STYXL1: variants seen among roughly 807,000 people sequenced by gnomAD.
The protein encoded by STYXL1 is serine/threonine/tyrosine-interacting-like protein 1.
A neutral mutation model predicts 36.4 loss-of-function variants in STYXL1; 32 were observed. That is an observed-to-expected ratio of 0.88 (90% CI 0.66 to 1.18). STYXL1 has a LOEUF of 1.18. Among genes scored for constraint, STYXL1 ranks in the 50% most tolerant of loss-of-function variants. The pLI is 0.00. For synonymous variants in STYXL1, 133 were observed against 144.1 expected (o/e 0.92, Z 0.55); for missense variants, 354 against 394.1 (o/e 0.90, Z 0.86).
chr7:76,013,827 G>A lies in STYXL1; in HGVS notation c.368C>T (p.Pro123Leu), dbSNP rs370786510. ...ATAGCCCCCTTTCAGGATGTAGACG[G>A]GGTGGTGGGTGAGGCGGGTCAGGAT... ...GRILTRLTHHPVYILKGGYER... is the reference protein window; with the variant it reads ...GRILTRLTHHLVYILKGGYER... The change falls in exon 5 of 9, where the codon CCC (proline) becomes CTC (leucine). Residue 123 changes from proline to leucine, a missense_variant. Transcript: ENST00000359697. 1 of 1,613,924 alleles carries A rather than the reference G, an allele frequency of 6.2e-7. No individual in the cohort carries two copies. The highest frequency in any genetic ancestry group is 1.3e-5 in the African/African-American group (1 of 74,892).
At chr7:76,026,173 C>G (rs775051333) in intron 3 of STYXL1, among the ~76,000 whole-genome samples, 6 of 84,588 alleles carry the variant, frequency 7.1e-5, no homozygotes, top group Non-Finnish European at 1.1e-4. Context: ...GCCTGGAGGA[C>G]AGAGCAAGAC....
rs1797348994 is a variant in STYXL1 at position 76,047,912 on chromosome 7, C to T, written c.-255G>A. 7.0e-7 allele frequency: 1 copy of T among 1,421,086 alleles called. No homozygotes were observed. Among genetic ancestry groups the T allele is most frequent in the South Asian group, 1.5e-5 (1 of 68,386 alleles). The allele number at this position is 1,421,086 out of a possible 1,614,324, so 88.0% of individuals were successfully genotyped here. A position where few individuals can be genotyped will look rare whatever the true frequency, so the allele number is the denominator to read the frequency against. ...TCCCACTCCGACCGCAGGTCCCCCA[C>T]CGGCCACACAGACGGCTACGCTAGA... is the stretch of plus-strand genomic sequence containing the variant. On this transcript the variant is annotated 5_prime_UTR_variant, in exon 1 of 9. The change creates a new upstream start codon in the 5' untranslated region. Transcript: ENST00000359697.
Position 76,001,118 on chromosome 7 carries a change from C to T in STYXL1, c.698-116G>A, listed in dbSNP as rs147930441. On this transcript the variant is annotated intron_variant, in intron 7 of 8. Transcript: ENST00000359697. The stretch of plus-strand genomic sequence containing the variant: ...GTCCAAGCATGAGTTCAAAACCAGC[C>T]CACGTGACCTCGGCAAGTCCCATGA... The T allele has an allele frequency of 1.0e-3, 768 of 751,154 alleles. 3 individuals are homozygous for T. The African/African-American group carries it at 0.011, about 11-fold the overall frequency. 46.5% of individuals were successfully genotyped at this position (751,154 alleles called of 1,614,324 possible).
At chr7:76,003,635 G>A in intron 7 of STYXL1, 123 bp downstream of exon 7, 1 of 842,258 alleles carries the variant, frequency 1.2e-6, no homozygotes, top group South Asian at 1.7e-5. Flanking sequence ...ATGCCGAGCT[G>A]GGCCCTTTCT....
Position 76,037,922 on chromosome 7 carries a change from T to G in STYXL1, c.-4-7395A>C, listed in dbSNP as rs1310935207. Among the ~76,000 whole-genome samples, 3 of 150,096 alleles carry G rather than the reference T, an allele frequency of 2.0e-5. 1 individual carries two copies. Among genetic ancestry groups the G allele is most frequent in the Non-Finnish European group, 3.0e-5 (2 of 67,096 alleles). On this transcript the variant is annotated intron_variant, in intron 1 of 8. Transcript: ENST00000359697. The stretch of plus-strand genomic sequence containing the variant: ...TGCCAGCATGACCAAGGCTTAAACA[T>G]AGTGACAGGCATCAATGCCCTCACC...
rs375406821 is a variant in STYXL1, at chr7:76,042,833, C to T, written c.-5+4829G>A. ...CTATTAGCATCTTTCTGATTCCAAA[C>T]ATTCACAAGTCTCTGCTTTCTTGGA... On this transcript the variant is annotated intron_variant, in intron 1 of 8. Coordinates refer to ENST00000359697, the MANE Select transcript of STYXL1 (RefSeq NM_001317785.2). Among the ~76,000 whole-genome samples the T allele has an allele frequency of 4.5e-3, 684 of 152,304 alleles. 4 individuals carry two copies. Among genetic ancestry groups the T allele is most frequent in the Middle Eastern group, 0.017 (5 of 294 alleles).
chr7:76,007,515 T>A (rs1554570816), intron 5 of STYXL1, among the ~76,000 whole-genome samples: 4 of 152,074 alleles, frequency 2.6e-5, no homozygotes. Flanking sequence ...AAGGATTTGG[T>A]ATCTATTGGG....
chr7:76,017,096 A>G (rs1793465514), intron 4 of STYXL1, among the ~76,000 whole-genome samples: 1 of 152,032 alleles, frequency 6.6e-6, no homozygotes, highest in African/African-American at 2.4e-5. Flanking sequence ...ATCTCGGCGC[A>G]CTGCAACCTC....
chr7:76,004,094 C>CTTTT (rs201317979), intron 6 of STYXL1, among the ~76,000 whole-genome samples: 29 of 151,488 alleles, frequency 1.9e-4, no homozygotes, highest in African/African-American at 6.3e-4. Context: ...AGACCCTTGT[C>CTTTT]TTTTTTTTTG....
At chr7:76,019,390 G>A (rs1793779277) in intron 4 of STYXL1, among the ~76,000 whole-genome samples, 1 of 151,398 alleles carries the variant, frequency 6.6e-6, no homozygotes, top group African/African-American at 2.4e-5. Context: ...TTGACCACCT[G>A]GGCTCAAGTG....
intron 2 of STYXL1, among the ~76,000 whole-genome samples, 171 bp downstream of exon 2, chr7:76,030,250 T>C (rs1406166334): frequency 6.6e-6 from 1 of 152,170 alleles, no homozygotes; most frequent in Non-Finnish European, 1.5e-5. Context: ...TCGCCCACCT[T>C]GGCCTTCCCA....
chr7:76,005,254 C>T lies in STYXL1; in HGVS notation c.599+5G>A, dbSNP rs1554569737. 10 of 1,410,944 alleles carry T rather than the reference C, an allele frequency of 7.1e-6. No homozygotes were observed. Among genetic ancestry groups the T allele is most frequent in the Non-Finnish European group, 9.4e-6 (10 of 1,064,774 alleles). The allele number at this position is 1,410,944 out of a possible 1,614,324, so 87.4% of individuals were successfully genotyped here. ...AATATAAATCAGTAGTTTCTCTTTACTTACAAGGGCCCTGTATCCATGGAG... is the reference window on the plus strand; with the variant it reads ...AATATAAATCAGTAGTTTCTCTTTATTTACAAGGGCCCTGTATCCATGGAG... On this transcript the variant is annotated splice_donor_5th_base_variant and intron_variant, in intron 6 of 8. Transcript: ENST00000359697.
rs375028140 is a variant in STYXL1, at chr7:76,013,967, T to G, written c.308-80A>C. 7.9e-6 allele frequency: 11 copies of G among 1,397,316 alleles called. No individual in the cohort carries two copies. In the South Asian group the frequency reaches 1.4e-4, roughly 18 times the overall value. The allele number at this position is 1,397,316 out of a possible 1,614,324, so 86.6% of individuals were successfully genotyped here. On this transcript the variant is annotated intron_variant, in intron 4 of 8. Coordinates refer to ENST00000359697, the MANE Select transcript of STYXL1 (RefSeq NM_001317785.2). ...GAGCTGGGATAGATGACCACTTTCTTCTGAAATGCAATTATTTTATTTATT... is the reference window on the plus strand; with the variant it reads ...GAGCTGGGATAGATGACCACTTTCTGCTGAAATGCAATTATTTTATTTATT...
chr7:76,000,048 G>A (rs117305728), intron 8 of STYXL1, among the ~76,000 whole-genome samples: 4,499 of 150,826 alleles, frequency 0.03, 86 homozygotes, highest in Middle Eastern at 0.051. Context: ...AAAATTAGCC[G>A]GGCATGGTGA....
intron 5 of STYXL1, among the ~76,000 whole-genome samples, chr7:76,005,827 GAAGA>G (rs1791605080): frequency 7.2e-6 from 1 of 137,972 alleles, no homozygotes; most frequent in Admixed American, 7.7e-5. Context: ...GGAGGAGGAG[GAAGA>G]GAGAGGAGGA....
At chr7:76,042,984 G>A (rs1235056474) in intron 1 of STYXL1, among the ~76,000 whole-genome samples, 3 of 152,140 alleles carry the variant, frequency 2.0e-5, no homozygotes, top group Non-Finnish European at 4.4e-5. Flanking sequence ...AGGCTGGCGA[G>A]CTGTTGGCAA....
intron 4 of STYXL1, among the ~76,000 whole-genome samples, chr7:76,020,948 C>T (rs1057266761): frequency 1.3e-5 from 2 of 152,100 alleles, no homozygotes; most frequent in Non-Finnish European, 2.9e-5. Flanking sequence ...GGGAGGGGAA[C>T]AAATGAAAAT....
intron 2 of STYXL1, among the ~76,000 whole-genome samples, chr7:76,029,277 G>C (rs1279028153): frequency 6.6e-6 from 1 of 152,002 alleles, no homozygotes; most frequent in African/African-American, 2.4e-5. Context: ...CTCCCTAGTA[G>C]CTGGGACCAC....
chr7:76,020,985 TTCATCAC>T (rs1423489430), intron 4 of STYXL1, among the ~76,000 whole-genome samples: 1 of 152,176 alleles, frequency 6.6e-6, no homozygotes, highest in Non-Finnish European at 1.5e-5. Flanking sequence ...ACATTCAGCA[TTCATCAC>T]TAAGTCACCT....
Sources: gnomAD v4.1 joint callset for allele counts (sites outside exome capture counted in the v4.1 genomes callset) on GRCh38, gnomAD v4.1.1 for gene constraint, MANE v1.5 for transcripts, NCBI Gene and HGNC (gene_info 2026-07-23, HGNC 2026-07-21) for gene names.